CAMK4: variants seen among roughly 807,000 people sequenced by gnomAD.
CAMK4 encodes the protein calcium/calmodulin dependent protein kinase IV, also known as calcium/calmodulin-dependent protein kinase type IV.
In CAMK4, 22 loss-of-function variants were observed where a neutral mutation model predicts 44.9. The observed-to-expected ratio is 0.49, with a 90% CI of 0.35 to 0.70. The LOEUF (loss-of-function observed/expected upper bound fraction) is 0.70, where lower values mean the gene tolerates loss of function less well. Among genes scored for constraint, CAMK4 ranks in the 30% least tolerant of loss-of-function variants. The pLI, the probability that CAMK4 is intolerant of heterozygous loss-of-function variation, is 0.01. For missense variants in CAMK4, 498 were observed against 586.8 expected (o/e 0.85, Z 1.56); for synonymous variants, 218 against 215.4 (o/e 1.01, Z -0.11).
chr5:111,362,691 C>G (rs770999432), intron 2 of CAMK4, among the ~76,000 whole-genome samples: 60 of 151,988 alleles, frequency 3.9e-4, no homozygotes, highest in Non-Finnish European at 5.0e-4. Flanking sequence ...GGAGGCTTAA[C>G]ATTAATTCTC....
chr5:111,268,612 C>G (rs17133020), intron 1 of CAMK4, among the ~76,000 whole-genome samples: 3 of 152,026 alleles, frequency 2.0e-5, no homozygotes, highest in African/African-American at 7.3e-5. Context: ...TTTGAGGAAG[C>G]TAAACTCAAG....
At chr5:111,479,719 T>A (rs189335219) in intron 9 of CAMK4, among the ~76,000 whole-genome samples, 147 of 152,290 alleles carry the variant, frequency 9.7e-4, no homozygotes, top group Admixed American at 2.0e-3. Context: ...CTGTGTTCCT[T>A]CATGGAACAG....
intron 2 of CAMK4, chr5:111,357,939 A>G (rs1750436687): frequency 6.6e-6 from 1 of 152,088 alleles, no homozygotes; most frequent in African/African-American, 2.4e-5. Context: ...GGGCTTTTGA[A>G]TTCCAAATCT....
intron 1 of CAMK4, among the ~76,000 whole-genome samples, chr5:111,309,223 G>A (rs1205668685): frequency 6.6e-6 from 1 of 152,192 alleles, no homozygotes; most frequent in African/African-American, 2.4e-5. Flanking sequence ...CAGTAAGCAT[G>A]TACACCAAAC....
At chr5:111,402,803 G>A (rs1752279724) in intron 5 of CAMK4, among the ~76,000 whole-genome samples, 1 of 152,222 alleles carries the variant, frequency 6.6e-6, no homozygotes, top group African/African-American at 2.4e-5. Context: ...GTCTGCATAT[G>A]ATGCTGGGAA....
In CAMK4 at chr5:111,478,296, G is replaced by T. The variant is rs146461193; in HGVS notation, c.702-85G>T. 4,498 of 799,418 alleles carry T rather than the reference G, an allele frequency of 5.6e-3. 165 individuals carry two copies. The African/African-American group carries it at 0.068, about 12-fold the overall frequency. The allele number at this position is 799,418 out of a possible 1,614,324, so 49.5% of individuals were successfully genotyped here. On this transcript the variant is annotated intron_variant, in intron 8 of 10. Coordinates refer to ENST00000282356, the MANE Select transcript of CAMK4 (RefSeq NM_001744.6). ...TTCCATGGCAGGAAGCAGTGAAAAA[G>T]AACAGTCCTGAATTCCTACAGAAAT...
At chr5:111,313,687 G>T (rs1290568274) in intron 1 of CAMK4, among the ~76,000 whole-genome samples, 1 of 152,072 alleles carries the variant, frequency 6.6e-6, no homozygotes, top group Non-Finnish European at 1.5e-5. Context: ...TGCTTAGAGT[G>T]TAGAACTCAA....
At chr5:111,356,445 T>C (rs1196428250) in intron 2 of CAMK4, among the ~76,000 whole-genome samples, 5 of 152,224 alleles carry the variant, frequency 3.3e-5, no homozygotes, top group African/African-American at 9.6e-5. Flanking sequence ...TTCTCCCATT[T>C]TGTAGGTTGC....
chr5:111,317,898 T>TAAA (rs3066636), intron 1 of CAMK4, among the ~76,000 whole-genome samples: 95 of 69,812 alleles, frequency 1.4e-3, no homozygotes, highest in East Asian at 5.6e-3. Flanking sequence ...GAGTAATATG[T>TAAA]AAAAAAAAAA....
At chr5:111,273,724 C>T (rs71586602) in intron 1 of CAMK4, among the ~76,000 whole-genome samples, 43,216 of 70,328 alleles carry the variant, frequency 0.61, 12,659 homozygotes, top group East Asian at 0.8. Flanking sequence ...TATATACACA[C>T]ACATACATAC....
intron 2 of CAMK4, among the ~76,000 whole-genome samples, chr5:111,373,136 T>C (rs1043063853): frequency 8.5e-5 from 13 of 152,214 alleles, no homozygotes; most frequent in Admixed American, 6.5e-4. Context: ...CTTGACTTTC[T>C]TTAGCAAGAA....
intron 7 of CAMK4, among the ~76,000 whole-genome samples, chr5:111,455,520 A>G (rs1299375567): frequency 2.0e-5 from 3 of 152,240 alleles, no homozygotes; most frequent in Non-Finnish European, 4.4e-5. Context: ...CTCACCTTCC[A>G]GCTCTTAAAA....
intron 1 of CAMK4, among the ~76,000 whole-genome samples, chr5:111,249,295 A>T (rs1749373481): frequency 6.6e-6 from 1 of 152,104 alleles, no homozygotes; most frequent in African/African-American, 2.4e-5. Flanking sequence ...AACATAGATG[A>T]TCTGGAAATT....
At chr5:111,381,235 G>T (rs189412793) in intron 4 of CAMK4, among the ~76,000 whole-genome samples, 28 of 152,272 alleles carry the variant, frequency 1.8e-4, no homozygotes, top group Admixed American at 1.1e-3. Flanking sequence ...AGAACTAACA[G>T]GATAGATGTA....
chr5:111,407,777 A>G (rs560310056), intron 5 of CAMK4, among the ~76,000 whole-genome samples: 2 of 152,252 alleles, frequency 1.3e-5, no homozygotes, highest in East Asian at 3.9e-4. Flanking sequence ...ATATATAGAT[A>G]TAGTTTATGT....
At chr5:111,314,652 A>G (rs1026998843) in intron 1 of CAMK4, among the ~76,000 whole-genome samples, 2 of 152,116 alleles carry the variant, frequency 1.3e-5, no homozygotes, top group East Asian at 3.9e-4. Context: ...ATATAATGAT[A>G]TACCCTGATG....
intron 1 of CAMK4, among the ~76,000 whole-genome samples, chr5:111,258,392 C>CTG (rs1456079025): frequency 1.3e-5 from 2 of 152,124 alleles, no homozygotes; most frequent in African/African-American, 4.8e-5. Flanking sequence ...TAAAGACACA[C>CTG]CCAAAACTGG....
intron 1 of CAMK4, among the ~76,000 whole-genome samples, chr5:111,322,460 A>G (rs930431825): frequency 1.3e-5 from 2 of 152,088 alleles, no homozygotes; most frequent in African/African-American, 4.8e-5. Flanking sequence ...AACAAATAAA[A>G]CCAAACTTGA....
Position 111,296,633 on chromosome 5 carries a change from CAAAT to C in CAMK4, c.162-47388_162-47385del, listed in dbSNP as rs1747494869. ...AACTCTATAAATGAGTATAGATAGA[CAAAT>C]AACCCGTGGCTTGAAAGAAATTGGG... On this transcript the variant is annotated intron_variant, in intron 1 of 10. Coordinates refer to ENST00000282356, the MANE Select transcript of CAMK4 (RefSeq NM_001744.6). Among the ~76,000 whole-genome samples, 4 of 152,240 alleles carry C rather than the reference CAAAT, an allele frequency of 2.6e-5. No homozygotes were observed. In the South Asian group the frequency reaches 8.3e-4, roughly 32 times the overall value.
Sources: allele counts gnomAD v4.1 joint callset (sites outside exome capture counted in the v4.1 genomes callset), GRCh38; gene constraint gnomAD v4.1.1; transcripts MANE v1.5; gene names NCBI Gene and HGNC (gene_info 2026-07-23, HGNC 2026-07-21).